Variants in CHEK2 observed in about 807,000 individuals in gnomAD.
CHEK2 encodes the protein serine/threonine-protein kinase Chk2.
CHEK2 carries 71 observed loss-of-function variants against 69.1 expected under a neutral mutation model. That is an observed-to-expected ratio of 1.03 (90% CI 0.85 to 1.25). The LOEUF (loss-of-function observed/expected upper bound fraction) is 1.25, where lower values mean the gene tolerates loss of function less well. Among genes scored for constraint, CHEK2 ranks in the 50% most tolerant of loss-of-function variants. CHEK2 has a pLI of 0.00. For missense variants in CHEK2, 664 were observed against 649.6 expected, an observed-to-expected ratio of 1.02 and a Z score of -0.24; for synonymous variants, 189 against 226.9, an observed-to-expected ratio of 0.83 and a Z score of 1.50.
At chr22:28,737,252 G>C in intron 1 of CHEK2, 1 of 471,666 alleles carries the variant, frequency 2.1e-6, no homozygotes, top group Non-Finnish European at 4.3e-6. Flanking sequence ...TAGAAGATTA[G>C]TTCTTACCAT....
chr22:28,702,388 A>T (rs182075939), intron 8 of CHEK2, among the ~76,000 whole-genome samples: 1 of 149,644 alleles, frequency 6.7e-6, no homozygotes, highest in African/African-American at 2.5e-5. Context: ...ACAGGAGCCC[A>T]CCACCACACC....
chr22:28,709,907 C>A, intron 7 of CHEK2, 99 bp downstream of exon 7: 1 of 723,600 alleles, frequency 1.4e-6, no homozygotes, highest in South Asian at 1.6e-5. Context: ...TCAGCCACCA[C>A]ACCTGGCCAA....
At chr22:28,727,159 A>G (rs904976487) in intron 2 of CHEK2, among the ~76,000 whole-genome samples, 1 of 152,114 alleles carries the variant, frequency 6.6e-6, no homozygotes. Flanking sequence ...CTCCTGCCTC[A>G]GCCTCCCGAG....
intron 13 of CHEK2, 107 bp from the exon 14 acceptor site, chr22:28,689,322 C>G (rs1432636819): frequency 1.7e-5 from 14 of 833,274 alleles, no homozygotes; most frequent in Middle Eastern, 3.5e-4. Context: ...AATGTCCGTC[C>G]AAGAATCATC....
chr22:28,707,640 A>C (rs1264615683), intron 7 of CHEK2, among the ~76,000 whole-genome samples: 3 of 152,124 alleles, frequency 2.0e-5, no homozygotes, highest in African/African-American at 7.2e-5. Flanking sequence ...CAAGCATCAA[A>C]ATGCACTCAT....
chr22:28,695,668 T>C, intron 11 of CHEK2, 42 bp downstream of exon 11: 1 of 1,576,550 alleles, frequency 6.3e-7, no homozygotes, highest in South Asian at 1.1e-5. Flanking sequence ...CTTCATCTAA[T>C]CACCTCCTAC....
At chr22:28,723,502 G>C (rs1448298701) in intron 4 of CHEK2, among the ~76,000 whole-genome samples, 3 of 151,200 alleles carry the variant, frequency 2.0e-5, no homozygotes, top group African/African-American at 7.3e-5. Context: ...GGAGGCTGAG[G>C]CAGGAGAATG....
intron 3 of CHEK2, 42 bp from the exon 4 acceptor site, chr22:28,725,166 G>T (rs775135788): frequency 1.2e-6 from 2 of 1,613,808 alleles, no homozygotes; most frequent in Non-Finnish European, 8.5e-7. Flanking sequence ...GAATAGCAGA[G>T]ATTTATAGTG....
chr22:28,724,221 C>T (rs1437212360), intron 4 of CHEK2, among the ~76,000 whole-genome samples: 1 of 152,092 alleles, frequency 6.6e-6, no homozygotes, highest in Non-Finnish European at 1.5e-5. Flanking sequence ...GCCTGGCCAA[C>T]ACAGTGAAAC....
chr22:28,730,273 AAAGCG>A (rs2054167353), intron 2 of CHEK2: 1 of 327,340 alleles, frequency 3.1e-6, no homozygotes, highest in Admixed American at 5.4e-5. Flanking sequence ...GGAGGAAAGG[AAAGCG>A]GAAGGGAAAG....
chr22:28,730,225 AGAAGAGG>A, intron 2 of CHEK2, among the ~76,000 whole-genome samples: 1 of 2,392 alleles, frequency 4.2e-4, no homozygotes, highest in African/African-American at 1.4e-3. Flanking sequence ...AAGAGGAGAG[AGAAGAGG>A]AAAGAAAAGA....
chr22:28,730,257 G>GT (rs1569164823), intron 2 of CHEK2, among the ~76,000 whole-genome samples: 1 of 117,780 alleles, frequency 8.5e-6, no homozygotes, highest in African/African-American at 3.3e-5. Context: ...AGGAGAGGAG[G>GT]GGAGGGGAGG....
rs17879915 is a variant in CHEK2, at chr22:28,719,540, C to T, written c.593-55G>A. ...CATTAATTTATTCACAAGAGGCGAT[C>T]ACTGATTCTAAAATTTATTCATCAT... On this transcript the variant is annotated intron_variant, in intron 4 of 14. Coordinates refer to ENST00000404276, the MANE Select transcript of CHEK2 (RefSeq NM_007194.4). 7.4e-5 allele frequency: 73 copies of T among 990,980 alleles called. No homozygotes were observed. Among genetic ancestry groups the T allele is most frequent in the Admixed American group, 6.0e-4 (27 of 45,066 alleles). 61.4% of individuals were successfully genotyped at this position (990,980 alleles called of 1,614,324 possible).
chr22:28,712,052 T>G (rs775305010), intron 5 of CHEK2, 35 bp from the exon 6 acceptor site: 6 of 1,491,534 alleles, frequency 4.0e-6, no homozygotes, highest in Admixed American at 1.7e-5. Context: ...ATTGTCTGAA[T>G]GTTTTTAATT....
chr22:28,696,356 C>A (rs1481969887), intron 10 of CHEK2, among the ~76,000 whole-genome samples: 1 of 152,084 alleles, frequency 6.6e-6, no homozygotes, highest in Admixed American at 6.6e-5. Context: ...GGAAAGGCAG[C>A]GCATGTGATT....
chr22:28,689,318 C>T (rs1212393277), intron 13 of CHEK2, 103 bp from the exon 14 acceptor site: 3 of 864,294 alleles, frequency 3.5e-6, no homozygotes, highest in Non-Finnish European at 5.8e-6. Flanking sequence ...GAAAAATGTC[C>T]GTCCAAGAAT....
chr22:28,698,339 G>C (rs755494952), intron 9 of CHEK2, among the ~76,000 whole-genome samples: 2 of 151,758 alleles, frequency 1.3e-5, no homozygotes, highest in African/African-American at 4.8e-5. Context: ...AGGTTGTAGT[G>C]AGCCGAGATC....
chr22:28,724,412 AAAAACAAAAC>A (rs973975433), intron 4 of CHEK2, among the ~76,000 whole-genome samples: 2 of 152,114 alleles, frequency 1.3e-5, no homozygotes, highest in Non-Finnish European at 2.9e-5. Context: ...CCGTCTAAAA[AAAAACAAAAC>A]AAAACAAAAC....
chr22:28,740,717 T>C (rs1438413647), intron 1 of CHEK2, among the ~76,000 whole-genome samples: 3 of 152,130 alleles, frequency 2.0e-5, no homozygotes, highest in Non-Finnish European at 4.4e-5. Flanking sequence ...ACAATTAAAA[T>C]AAAACATCAA....
Sources: gnomAD v4.1 joint callset for allele counts (sites outside exome capture counted in the v4.1 genomes callset) on GRCh38, gnomAD v4.1.1 for gene constraint, MANE v1.5 for transcripts, NCBI Gene and HGNC (gene_info 2026-07-23, HGNC 2026-07-21) for gene names.